ANO10: variants seen among roughly 807,000 people sequenced by gnomAD.
ANO10 encodes the protein anoctamin 10.
In ANO10, 77 loss-of-function variants were observed where a neutral mutation model predicts 74.7. The ratio of observed to expected loss-of-function variants is 1.03; its 90% CI spans 0.86 to 1.25. The LOEUF is 1.25. Ranked by LOEUF, ANO10 falls within the 50% of genes most tolerant of loss-of-function variation. The pLI is 0.00. For synonymous variants in ANO10, 279 were observed against 284.9 expected, an observed-to-expected ratio of 0.98 and a Z score of 0.21; for missense variants, 721 against 778.1, an observed-to-expected ratio of 0.93 and a Z score of 0.87.
At chr3:43,556,675 A>G (rs2079766531) in intron 9 of ANO10, among the ~76,000 whole-genome samples, 1 of 152,196 alleles carries the variant, frequency 6.6e-6, no homozygotes, top group Non-Finnish European at 1.5e-5. Context: ...AATCTACCCT[A>G]TTCTCTCTTT....
At chr3:43,566,951 T>C (rs977465718) in intron 7 of ANO10, among the ~76,000 whole-genome samples, 1 of 152,080 alleles carries the variant, frequency 6.6e-6, no homozygotes, top group African/African-American at 2.4e-5. Flanking sequence ...TTCAGAAGAA[T>C]CTATAACTAG....
At chr3:43,685,061 C>A (rs898121089) in intron 1 of ANO10, among the ~76,000 whole-genome samples, 14 of 152,044 alleles carry the variant, frequency 9.2e-5, no homozygotes, top group Non-Finnish European at 1.8e-4. Flanking sequence ...TGCACATGTA[C>A]CCTAAAACTT....
chr3:43,473,169 G>A (rs188434103), intron 11 of ANO10, among the ~76,000 whole-genome samples: 1 of 151,586 alleles, frequency 6.6e-6, no homozygotes, highest in Admixed American at 6.6e-5. Flanking sequence ...TTTTTTTATA[G>A]CTGTTTTCCT....
intron 12 of ANO10, among the ~76,000 whole-genome samples, chr3:43,414,401 T>A (rs1446315718): frequency 6.6e-6 from 1 of 152,212 alleles, no homozygotes; most frequent in East Asian, 1.9e-4. Flanking sequence ...TGTTCTGATT[T>A]ATTTCAAATC....
At chr3:43,409,825 G>A (rs1052792591) in intron 12 of ANO10, among the ~76,000 whole-genome samples, 2 of 152,188 alleles carry the variant, frequency 1.3e-5, no homozygotes, top group Non-Finnish European at 2.9e-5. Context: ...AAAATATAGT[G>A]TAAAGAAAAG....
At chr3:43,540,839 A>G (rs1233189102) in intron 11 of ANO10, among the ~76,000 whole-genome samples, 1 of 152,220 alleles carries the variant, frequency 6.6e-6, no homozygotes, top group Non-Finnish European at 1.5e-5. Context: ...TCTGTCTGTG[A>G]GCATTCCTGA....
chr3:43,640,697 TAC>T (rs1575575162), intron 1 of ANO10, among the ~76,000 whole-genome samples: 1 of 152,236 alleles, frequency 6.6e-6, no homozygotes, highest in Admixed American at 6.5e-5. Context: ...ATTGCCACAT[TAC>T]AGTGATAATT....
At chr3:43,367,254 C>A (rs1330652932) in intron 12 of ANO10, among the ~76,000 whole-genome samples, 1 of 152,178 alleles carries the variant, frequency 6.6e-6, no homozygotes. Context: ...CCTGGATGGC[C>A]AGGATGAGGG....
intron 1 of ANO10, chr3:43,691,168 C>T (rs2084370506): frequency 1.1e-6 from 1 of 946,288 alleles, no homozygotes; most frequent in Non-Finnish European, 1.4e-6. Flanking sequence ...TTCCTCGACC[C>T]TCCCCGGCAT....
rs530114007 is a variant in ANO10, at chr3:43,426,139, T to C, written c.1914+6472A>G. ...CTCCACACCTTTCACATCGCATCAA[T>C]GTATACCTCACATGTATTTATTTAT... is the stretch of plus-strand genomic sequence containing the variant. On this transcript the variant is annotated intron_variant, in intron 12 of 12. Coordinates refer to ENST00000292246, the MANE Select transcript of ANO10 (RefSeq NM_018075.5). 3.3e-5 allele frequency among the ~76,000 whole-genome samples: 5 copies of C among 152,152 alleles called. No homozygotes were observed. In the South Asian group the frequency reaches 6.2e-4, roughly 19 times the overall value.
intron 11 of ANO10, among the ~76,000 whole-genome samples, chr3:43,523,573 G>A (rs887166098): frequency 6.6e-6 from 1 of 152,140 alleles, no homozygotes; most frequent in Admixed American, 6.6e-5. Flanking sequence ...AGAAGAAATG[G>A]GTTAGATGAA....
intron 1 of ANO10, chr3:43,638,872 T>C (rs952770195): frequency 6.6e-6 from 1 of 152,256 alleles, no homozygotes. Context: ...CTGACAGGAA[T>C]GTGGGAGTGG....
At chr3:43,603,833 G>T (rs1049447536) in intron 2 of ANO10, among the ~76,000 whole-genome samples, 6 of 152,210 alleles carry the variant, frequency 3.9e-5, no homozygotes, top group Admixed American at 2.0e-4. Context: ...TCCAAAGAAA[G>T]ATTGTCCAAT....
chr3:43,433,396 ACT>A (rs937093872), intron 11 of ANO10, among the ~76,000 whole-genome samples: 58 of 152,042 alleles, frequency 3.8e-4, no homozygotes, highest in African/African-American at 1.4e-3. Flanking sequence ...TTGTCACTCC[ACT>A]CTCTGCCCAA....
At chr3:43,384,432 A>G (rs1278265703) in intron 12 of ANO10, among the ~76,000 whole-genome samples, 1 of 152,208 alleles carries the variant, frequency 6.6e-6, no homozygotes, top group Non-Finnish European at 1.5e-5. Context: ...AAACAATCCT[A>G]AAATTCATAT....
At chr3:43,612,491 A>G (rs1028433991) in intron 1 of ANO10, among the ~76,000 whole-genome samples, 1 of 152,096 alleles carries the variant, frequency 6.6e-6, no homozygotes, top group African/African-American at 2.4e-5. Flanking sequence ...AGTGGAGCCA[A>G]GCTGGAGACA....
chr3:43,527,781 A>AC (rs1322739404), intron 11 of ANO10, among the ~76,000 whole-genome samples: 1 of 152,164 alleles, frequency 6.6e-6, no homozygotes, highest in Non-Finnish European at 1.5e-5. Flanking sequence ...AGATAAAATC[A>AC]CCCCCAGAAA....
At chr3:43,413,822 CCTG>C (rs1179803618) in intron 12 of ANO10, among the ~76,000 whole-genome samples, 2 of 151,602 alleles carry the variant, frequency 1.3e-5, no homozygotes, top group Non-Finnish European at 2.9e-5. Context: ...TTTCACCTTG[CCTG>C]CTGTTACCAG....
chr3:43,443,677 TTC>T (rs1491033627), intron 11 of ANO10, among the ~76,000 whole-genome samples: 1 of 71,860 alleles, frequency 1.4e-5, no homozygotes, highest in Non-Finnish European at 3.4e-5. Context: ...ACTTCCTTCC[TTC>T]TTTTTTTTTT....
Sources: allele counts gnomAD v4.1 joint callset (sites outside exome capture counted in the v4.1 genomes callset), GRCh38; gene constraint gnomAD v4.1.1; transcripts MANE v1.5; gene names NCBI Gene and HGNC (gene_info 2026-07-23, HGNC 2026-07-21).